MEI4: variants seen among roughly 807,000 people sequenced by gnomAD.
The protein encoded by MEI4 is meiotic double-stranded break formation protein 4, also known as meiosis-specific protein MEI4.
MEI4 carries 27 observed loss-of-function variants against 31.4 expected under a neutral mutation model. The ratio of observed to expected loss-of-function variants is 0.86; its 90% CI spans 0.63 to 1.19. MEI4 has a LOEUF of 1.19. MEI4 is among the 50% of genes most tolerant of loss of function. The pLI, the probability that MEI4 is intolerant of heterozygous loss-of-function variation, is 0.00. For synonymous variants in MEI4, 122 were observed against 145.4 expected (o/e 0.84, Z 1.16); for missense variants, 329 against 398.9 (o/e 0.82, Z 1.49).
At chr6:77,669,358 A>C (rs1430792637) in intron 1 of MEI4, among the ~76,000 whole-genome samples, 1 of 152,146 alleles carries the variant, frequency 6.6e-6, no homozygotes, top group East Asian at 1.9e-4. Flanking sequence ...TTAAAAAATT[A>C]TGATTTTTCT....
At chr6:77,798,369 A>G (rs1317609494) in intron 3 of MEI4, among the ~76,000 whole-genome samples, 1 of 151,626 alleles carries the variant, frequency 6.6e-6, no homozygotes, top group Non-Finnish European at 1.5e-5. Flanking sequence ...TATTAATATT[A>G]ATAATTAAAA....
intron 2 of MEI4, among the ~76,000 whole-genome samples, chr6:77,696,631 G>C (rs1471997698): frequency 3.3e-5 from 5 of 151,476 alleles, no homozygotes; most frequent in African/African-American, 1.2e-4. Context: ...GATCATGGTG[G>C]ATAAGCTTTT....
intron 4 of MEI4, among the ~76,000 whole-genome samples, chr6:77,839,338 G>C (rs957418784): frequency 2.0e-5 from 3 of 152,050 alleles, no homozygotes; most frequent in African/African-American, 7.2e-5. Flanking sequence ...GGAACAGAAG[G>C]GGGTGATGGT....
intron 4 of MEI4, among the ~76,000 whole-genome samples, chr6:77,836,813 C>G (rs1200773360): frequency 1.3e-5 from 2 of 152,060 alleles, no homozygotes; most frequent in South Asian, 4.1e-4. Context: ...AGCAATCAAT[C>G]CATCAGAGAG....
chr6:77,912,370 G>T (rs958726025), intron 4 of MEI4, among the ~76,000 whole-genome samples: 1 of 151,888 alleles, frequency 6.6e-6, no homozygotes, highest in Non-Finnish European at 1.5e-5. Flanking sequence ...AATGATATTG[G>T]TATTTTAAAA....
intron 3 of MEI4, among the ~76,000 whole-genome samples, chr6:77,828,698 A>C (rs1310724353): frequency 6.6e-6 from 1 of 152,156 alleles, no homozygotes; most frequent in Non-Finnish European, 1.5e-5. Context: ...TATTTCAACT[A>C]AAACTTCCAT....
intron 4 of MEI4, among the ~76,000 whole-genome samples, chr6:77,842,658 C>A (rs1469263082): frequency 6.6e-6 from 1 of 152,016 alleles, no homozygotes; most frequent in Non-Finnish European, 1.5e-5. Flanking sequence ...TTCCCTTCTT[C>A]TTCCAAATTA....
chr6:77,875,319 G>C lies in MEI4; in HGVS notation c.900+46257G>C, dbSNP rs145023168. Among the ~76,000 whole-genome samples the C allele has an allele frequency of 8.6e-3, 1,305 of 152,194 alleles. 21 individuals carry two copies. Among genetic ancestry groups the C allele is most frequent in the African/African-American group, 0.029 (1,205 of 41,540 alleles). ...TACAAAGCACATACTACATCTTCTG[G>C]TTTCACTACCATAGAACTCCTGTAT... On this transcript the variant is annotated intron_variant, in intron 4 of 4. Coordinates refer to ENST00000684080, the MANE Select transcript of MEI4 (RefSeq NM_001322247.2).
rs182973265 is a variant in MEI4, at chr6:77,775,847, A to G, written c.768+14182A>G. ...AAACTGTTCTCTTTTAACTGCATCC[A>G]TGCCAACATCTATTATTTTTCTATT... is the stretch of plus-strand genomic sequence containing the variant. On this transcript the variant is annotated intron_variant, in intron 3 of 4. Transcript: ENST00000684080. Among the ~76,000 whole-genome samples, 8 of 152,242 alleles carry G rather than the reference A, an allele frequency of 5.3e-5. No individual in the cohort carries two copies. The East Asian group carries it at 1.5e-3, about 29-fold the overall frequency.
chr6:77,841,333 A>ATATATATATATATAT, intron 4 of MEI4, among the ~76,000 whole-genome samples: 6 of 27,736 alleles, frequency 2.2e-4, no homozygotes, highest in African/African-American at 6.5e-4. Flanking sequence ...ATATATATAT[A>ATATATATATATATAT]TTTTTTTTTT....
chr6:77,676,542 A>ATAC (rs1768849376), intron 1 of MEI4, among the ~76,000 whole-genome samples: 1 of 152,074 alleles, frequency 6.6e-6, no homozygotes, highest in Non-Finnish European at 1.5e-5. Context: ...AATAATAATA[A>ATAC]TAAATGTTAA....
chr6:77,668,605 T>A (rs1461690232), intron 1 of MEI4, among the ~76,000 whole-genome samples: 1 of 152,208 alleles, frequency 6.6e-6, no homozygotes, highest in African/African-American at 2.4e-5. Context: ...TGGCAGCCAA[T>A]GAAGAGAGAT....
chr6:77,825,632 A>G (rs1341027087), intron 3 of MEI4, among the ~76,000 whole-genome samples: 2 of 152,218 alleles, frequency 1.3e-5, no homozygotes, highest in African/African-American at 4.8e-5. Flanking sequence ...GCAGGTAGCA[A>G]ATGTTTTAAA....
intron 3 of MEI4, among the ~76,000 whole-genome samples, chr6:77,799,355 C>T (rs368202946): frequency 6.6e-6 from 1 of 150,770 alleles, no homozygotes; most frequent in Admixed American, 6.6e-5. Flanking sequence ...TTTTTTTCTT[C>T]TAAATTTGTT....
Position 77,690,647 on chromosome 6 carries a change from T to G in MEI4, c.-14-11T>G. The G allele has an allele frequency of 5.9e-6, 7 of 1,185,428 alleles. No individual in the cohort carries two copies. The highest frequency in any genetic ancestry group is 7.4e-6 in the Non-Finnish European group (7 of 945,546). 73.4% of individuals were successfully genotyped at this position (1,185,428 alleles called of 1,614,324 possible). ...AAGAATTTCTATAACTTTTTTCTTA[T>G]TAAATGATAGGGACAAAAGCCAGGA... On this transcript the variant is annotated splice_polypyrimidine_tract_variant and intron_variant, in intron 1 of 4. Coordinates refer to ENST00000684080, the MANE Select transcript of MEI4 (RefSeq NM_001322247.2).
Position 77,803,563 on chromosome 6 carries a change from T to G in MEI4, c.769-25368T>G, listed in dbSNP as rs190918800. ...AAGAGGCACTCTGATTTTTGGAGTT[T>G]CCAGTTTTTCTGCTCTGTTTTTTCC... On this transcript the variant is annotated intron_variant, in intron 3 of 4. Transcript: ENST00000684080. 5.7e-4 allele frequency among the ~76,000 whole-genome samples: 87 copies of G among 152,344 alleles called. 2 individuals are homozygous for G. Among genetic ancestry groups the G allele is most frequent in the African/African-American group, 1.5e-3 (62 of 41,584 alleles).
chr6:77,661,908 C>A (rs960682936), intron 1 of MEI4, among the ~76,000 whole-genome samples: 3 of 152,158 alleles, frequency 2.0e-5, no homozygotes, highest in Non-Finnish European at 2.9e-5. Flanking sequence ...GCCACCTTAT[C>A]AGCATAAGCA....
chr6:77,876,785 T>C (rs1387815639), intron 4 of MEI4, among the ~76,000 whole-genome samples: 1 of 152,114 alleles, frequency 6.6e-6, no homozygotes, highest in Non-Finnish European at 1.5e-5. Context: ...CCATTAAAAA[T>C]ATTAATCATA....
chr6:77,867,788 T>G (rs553907966), intron 4 of MEI4, among the ~76,000 whole-genome samples: 1 of 152,266 alleles, frequency 6.6e-6, no homozygotes, highest in Non-Finnish European at 1.5e-5. Flanking sequence ...TGTGGCACTA[T>G]TCACAATAGC....
Sources: allele counts gnomAD v4.1 joint callset (sites outside exome capture counted in the v4.1 genomes callset), GRCh38; gene constraint gnomAD v4.1.1; transcripts MANE v1.5; gene names NCBI Gene and HGNC (gene_info 2026-07-23, HGNC 2026-07-21).